COL19A1: variants seen among roughly 807,000 people sequenced by gnomAD.
COL19A1 encodes the protein collagen alpha-1(XIX) chain.
A neutral mutation model predicts 190.2 loss-of-function variants in COL19A1; 159 were observed. The observed-to-expected ratio is 0.84, with a 90% confidence interval of 0.73 to 0.95. The LOEUF (loss-of-function observed/expected upper bound fraction) is 0.95. COL19A1 is among the 40% of genes least tolerant of loss of function. COL19A1 has a pLI of 0.00. For synonymous variants in COL19A1, 509 were observed against 458.9 expected (o/e 1.11, Z -1.39); for missense variants, 1,418 against 1,431.9 (o/e 0.99, Z 0.16).
At chr6:70,049,652 A>G (rs1197327928) in intron 14 of COL19A1, among the ~76,000 whole-genome samples, 1 of 152,050 alleles carries the variant, frequency 6.6e-6, no homozygotes, top group Non-Finnish European at 1.5e-5. Context: ...AACCTCAATC[A>G]GTAAAACTTT....
chr6:69,882,076 G>A (rs1768597825), intron 2 of COL19A1, among the ~76,000 whole-genome samples: 1 of 152,164 alleles, frequency 6.6e-6, no homozygotes, highest in South Asian at 2.1e-4. Context: ...GGGTTTCAGG[G>A]CTGGAGTCTG....
At chr6:69,989,908 A>G (rs1047506981) in intron 11 of COL19A1, among the ~76,000 whole-genome samples, 1 of 152,106 alleles carries the variant, frequency 6.6e-6, no homozygotes, top group African/African-American at 2.4e-5. Context: ...CTAATGTTTC[A>G]TGTCTATAAG....
intron 11 of COL19A1, among the ~76,000 whole-genome samples, chr6:69,989,154 G>A (rs1442258272): frequency 6.6e-6 from 1 of 152,046 alleles, no homozygotes; most frequent in East Asian, 1.9e-4. Context: ...ATACCGCTAA[G>A]TTTTTTACCC....
chr6:70,120,544 T>C (rs188077645), intron 16 of COL19A1, among the ~76,000 whole-genome samples: 2 of 152,320 alleles, frequency 1.3e-5, no homozygotes, highest in East Asian at 3.9e-4. Context: ...TAGAATTCTT[T>C]ACACAATGCT....
Position 69,993,464 on chromosome 6 carries a change from G to A in COL19A1, c.1027-30163G>A, listed in dbSNP as rs188432920. Among the ~76,000 whole-genome samples the A allele has an allele frequency of 1.5e-4, 23 of 152,210 alleles. No individual in the cohort carries two copies. The East Asian group carries it at 4.2e-3, about 28-fold the overall frequency. ...CAGGTTTTGGTATCAGGATGATGCTGGCCTCATAGGATGAGTTAGGGAGGG... is the reference window on the plus strand; with the variant it reads ...CAGGTTTTGGTATCAGGATGATGCTAGCCTCATAGGATGAGTTAGGGAGGG... On this transcript the variant is annotated intron_variant, in intron 11 of 50. Transcript: ENST00000620364.
chr6:69,905,580 A>G (rs1489046422), intron 4 of COL19A1, among the ~76,000 whole-genome samples: 3 of 152,202 alleles, frequency 2.0e-5, no homozygotes, highest in Non-Finnish European at 4.4e-5. Flanking sequence ...CACAGACAAT[A>G]GTGGCGTAGG....
intron 11 of COL19A1, among the ~76,000 whole-genome samples, chr6:69,998,073 A>G (rs1777026629): frequency 6.6e-6 from 1 of 152,190 alleles, no homozygotes; most frequent in Admixed American, 6.5e-5. Context: ...TGACATACTC[A>G]AAGTGCAAAA....
At chr6:69,893,480 C>T (rs1353839361) in intron 2 of COL19A1, among the ~76,000 whole-genome samples, 1 of 152,140 alleles carries the variant, frequency 6.6e-6, no homozygotes, top group Non-Finnish European at 1.5e-5. Context: ...TTTTATCTTG[C>T]CCAGATTCCT....
At chr6:70,135,604 C>CT (rs1293071308) in intron 18 of COL19A1, among the ~76,000 whole-genome samples, 1 of 152,166 alleles carries the variant, frequency 6.6e-6, no homozygotes, top group Non-Finnish European at 1.5e-5. Flanking sequence ...AAGCCAATAA[C>CT]TATGGCACCA....
At chr6:70,194,152 G>C (rs1023517750) in intron 48 of COL19A1, among the ~76,000 whole-genome samples, 2 of 152,178 alleles carry the variant, frequency 1.3e-5, no homozygotes, top group Admixed American at 6.5e-5. Context: ...GTCTCCGAGC[G>C]GCAAGTCGCA....
At chr6:69,967,967 A>C (rs1255856664) in intron 11 of COL19A1, among the ~76,000 whole-genome samples, 1 of 152,180 alleles carries the variant, frequency 6.6e-6, no homozygotes, top group Non-Finnish European at 1.5e-5. Context: ...CCCACAAACT[A>C]TCTGGGGTTA....
chr6:69,907,368 G>A (rs1197974162), intron 4 of COL19A1, among the ~76,000 whole-genome samples: 2 of 152,048 alleles, frequency 1.3e-5, no homozygotes, highest in Admixed American at 6.6e-5. Flanking sequence ...GACCTCAGGT[G>A]ATCCACCCGC....
At chr6:70,040,501 T>A (rs1779584562) in intron 14 of COL19A1, among the ~76,000 whole-genome samples, 3 of 152,218 alleles carry the variant, frequency 2.0e-5, no homozygotes, top group Non-Finnish European at 2.9e-5. Context: ...AACCTATTAA[T>A]AAGAAAGCCA....
chr6:70,060,417 C>T (rs903200198), intron 14 of COL19A1, among the ~76,000 whole-genome samples: 9 of 152,120 alleles, frequency 5.9e-5, no homozygotes, highest in Admixed American at 3.9e-4. Context: ...AGTACCAGTT[C>T]GCAGCCTGTT....
chr6:70,172,535 A>G (rs1433195606), intron 41 of COL19A1, among the ~76,000 whole-genome samples: 1 of 152,180 alleles, frequency 6.6e-6, no homozygotes, highest in African/African-American at 2.4e-5. Flanking sequence ...ATGTATAGCC[A>G]GTGGAGAACC....
At chr6:69,971,660 T>C (rs1209787625) in intron 11 of COL19A1, among the ~76,000 whole-genome samples, 1 of 152,212 alleles carries the variant, frequency 6.6e-6, no homozygotes, top group Non-Finnish European at 1.5e-5. Context: ...TGTCAGACTT[T>C]AGGCCATCAT....
At chr6:70,083,471 A>G (rs1326567326) in intron 15 of COL19A1, among the ~76,000 whole-genome samples, 1 of 152,084 alleles carries the variant, frequency 6.6e-6, no homozygotes, top group East Asian at 1.9e-4. Context: ...CAGCTTTGTT[A>G]TGTTTTATAA....
At chr6:70,088,040 C>G (rs547056384) in intron 15 of COL19A1, among the ~76,000 whole-genome samples, 1 of 152,094 alleles carries the variant, frequency 6.6e-6, no homozygotes, top group East Asian at 1.9e-4. Context: ...CTACGTGCCC[C>G]TAGGCAGTTT....
chr6:70,199,886 A>C, intron 49 of COL19A1, 150 bp downstream of exon 49: 1 of 715,874 alleles, frequency 1.4e-6, no homozygotes, highest in South Asian at 2.1e-5. Flanking sequence ...ATGGTTTCAT[A>C]TGTAATCTCT....
Sources: allele counts gnomAD v4.1 joint callset (sites outside exome capture counted in the v4.1 genomes callset), GRCh38; gene constraint gnomAD v4.1.1; transcripts MANE v1.5; gene names NCBI Gene and HGNC (gene_info 2026-07-23, HGNC 2026-07-21).